CLEC16A: variants seen among roughly 807,000 people sequenced by gnomAD.
CLEC16A encodes the protein protein CLEC16A.
Under a neutral mutation model 109.5 loss-of-function variants are expected in CLEC16A, and 51 were observed. The observed-to-expected ratio is 0.47, with a 90% CI of 0.37 to 0.59. The LOEUF (loss-of-function observed/expected upper bound fraction) is 0.59. CLEC16A is among the 20% of genes least tolerant of loss of function. The pLI is 0.00. For synonymous variants in CLEC16A, 673 were observed against 564.2 expected (o/e 1.19, Z -2.73); for missense variants, 1,339 against 1,394.0 (o/e 0.96, Z 0.63).
At chr16:10,959,145 T>G (rs961875926) in intron 2 of CLEC16A, among the ~76,000 whole-genome samples, 3 of 152,110 alleles carry the variant, frequency 2.0e-5, no homozygotes, top group Non-Finnish European at 4.4e-5. Context: ...GATATCCGAA[T>G]AAGAAGGATA....
chr16:11,007,200 T>G (rs1567186484), intron 11 of CLEC16A, among the ~76,000 whole-genome samples: 2 of 152,312 alleles, frequency 1.3e-5, no homozygotes, highest in South Asian at 4.2e-4. Flanking sequence ...CTTCAAAGCC[T>G]ACTCATTTGT....
At chr16:11,056,145 C>G (rs2048201169) in intron 18 of CLEC16A, among the ~76,000 whole-genome samples, 1 of 152,150 alleles carries the variant, frequency 6.6e-6, no homozygotes, top group Non-Finnish European at 1.5e-5. Context: ...CTGGATCCAT[C>G]CCACATGTAG....
intron 9 of CLEC16A, 30 bp from the exon 10 acceptor site, chr16:10,982,832 ATACCGCACACTTTCAT>A: frequency 8.6e-7 from 1 of 1,162,194 alleles, no homozygotes; most frequent in Non-Finnish European, 1.3e-6. Context: ...GAGGTTGAAA[ATACCGCACACTTTCAT>A]GCAAATCCCG....
chr16:11,067,907 G>A (rs777338035), intron 19 of CLEC16A, among the ~76,000 whole-genome samples: 1 of 152,176 alleles, frequency 6.6e-6, no homozygotes, highest in Admixed American at 6.5e-5. Context: ...TGGATCCGGC[G>A]TGTTCTCCAA....
chr16:10,950,605 G>T (rs77481387), intron 1 of CLEC16A, among the ~76,000 whole-genome samples: 1 of 152,218 alleles, frequency 6.6e-6, no homozygotes, highest in Non-Finnish European at 1.5e-5. Context: ...TAATCCTCTA[G>T]CCTGATTCCA....
intron 19 of CLEC16A, among the ~76,000 whole-genome samples, chr16:11,069,195 A>G (rs1461111807): frequency 6.6e-6 from 1 of 151,882 alleles, no homozygotes; most frequent in East Asian, 1.9e-4. Flanking sequence ...TGGTATAATC[A>G]CGGCTCAGTG....
chr16:11,057,436 A>G (rs1447209732), intron 18 of CLEC16A, among the ~76,000 whole-genome samples: 1 of 152,186 alleles, frequency 6.6e-6, no homozygotes, highest in East Asian at 1.9e-4. Context: ...ACGTCACGTG[A>G]TTACCAAGCC....
At chr16:11,137,213 A>G (rs753898077) in intron 22 of CLEC16A, among the ~76,000 whole-genome samples, 1 of 152,052 alleles carries the variant, frequency 6.6e-6, no homozygotes, top group Admixed American at 6.5e-5. Context: ...CTTCTGAATC[A>G]TTTGTTTTAT....
chr16:10,946,326 A>G (rs1467057269), intron 1 of CLEC16A, among the ~76,000 whole-genome samples: 2 of 152,210 alleles, frequency 1.3e-5, no homozygotes, highest in Non-Finnish European at 1.5e-5. Flanking sequence ...GGGTAGTGGC[A>G]GGGCCACAGT....
chr16:11,097,140 C>T (rs78381077), intron 19 of CLEC16A, among the ~76,000 whole-genome samples: 2 of 152,302 alleles, frequency 1.3e-5, no homozygotes, highest in East Asian at 1.9e-4. Context: ...ACCATGAGAA[C>T]GGCGGTAACC....
intron 22 of CLEC16A, 33 bp downstream of exon 22, chr16:11,126,179 G>C: frequency 6.2e-7 from 1 of 1,613,148 alleles, no homozygotes; most frequent in South Asian, 1.1e-5. Context: ...GCCACAGCTC[G>C]TTCATCATGG....
chr16:10,991,745 C>T (rs2044029376), intron 10 of CLEC16A, among the ~76,000 whole-genome samples: 1 of 152,224 alleles, frequency 6.6e-6, no homozygotes, highest in Non-Finnish European at 1.5e-5. Flanking sequence ...CGGTGGACAT[C>T]CGGTCTTGGC....
intron 22 of CLEC16A, chr16:11,126,636 A>G: frequency 3.9e-6 from 1 of 253,566 alleles, no homozygotes; most frequent in Non-Finnish European, 7.6e-6. Flanking sequence ...GCTCATCTCT[A>G]ACCCTGCTCC....
intron 18 of CLEC16A, among the ~76,000 whole-genome samples, chr16:11,057,907 A>G (rs1248657847): frequency 6.6e-6 from 1 of 152,216 alleles, no homozygotes; most frequent in Non-Finnish European, 1.5e-5. Flanking sequence ...GGAACCATGC[A>G]GAGTCATTAA....
At chr16:11,011,133 G>A (rs1249272681) in intron 11 of CLEC16A, among the ~76,000 whole-genome samples, 1 of 152,198 alleles carries the variant, frequency 6.6e-6, no homozygotes, top group Non-Finnish European at 1.5e-5. Flanking sequence ...GCAGTCCACA[G>A]GGAGACACTT....
intron 17 of CLEC16A, among the ~76,000 whole-genome samples, chr16:11,050,046 A>G (rs1182743387): frequency 6.6e-6 from 1 of 152,242 alleles, no homozygotes; most frequent in African/African-American, 2.4e-5. Flanking sequence ...TAATTTATAA[A>G]AAAAAGAAAT....
intron 22 of CLEC16A, among the ~76,000 whole-genome samples, chr16:11,164,596 A>C (rs985523710): frequency 1.3e-5 from 2 of 152,218 alleles, no homozygotes; most frequent in African/African-American, 4.8e-5. Flanking sequence ...CCTGCACCAG[A>C]TGGGCACACT....
chr16:10,998,672 CT>C (rs2044476213), intron 10 of CLEC16A, among the ~76,000 whole-genome samples: 2 of 152,004 alleles, frequency 1.3e-5, no homozygotes, highest in Non-Finnish European at 2.9e-5. Flanking sequence ...CCTTCTTCTC[CT>C]TTTTTCATCA....
At chr16:10,975,754 C>G (rs1347960497) in intron 7 of CLEC16A, among the ~76,000 whole-genome samples, 1 of 152,038 alleles carries the variant, frequency 6.6e-6, no homozygotes, top group Non-Finnish European at 1.5e-5. Flanking sequence ...TCAAGTGATT[C>G]TTGTGCCTCG....
Sources: allele counts gnomAD v4.1 joint callset (sites outside exome capture counted in the v4.1 genomes callset), GRCh38; gene constraint gnomAD v4.1.1; transcripts MANE v1.5; gene names NCBI Gene and HGNC (gene_info 2026-07-23, HGNC 2026-07-21).